Variants in ZFHX3 observed in about 807,000 individuals in gnomAD.
The protein encoded by ZFHX3 is zinc finger homeobox 3.
In ZFHX3, 42 loss-of-function variants were observed where a neutral mutation model predicts 279.1. The ratio of observed to expected loss-of-function variants is 0.15; its 90% CI spans 0.12 to 0.19. The LOEUF is 0.19. ZFHX3 is among the 10% of genes least tolerant of loss of function. The pLI, the probability that ZFHX3 is intolerant of heterozygous loss-of-function variation, is 1.00. For synonymous variants in ZFHX3, 2,293 were observed against 1,957.8 expected (o/e 1.17, Z -4.52); for missense variants, 4,981 against 4,754.0 (o/e 1.05, Z -1.40).
chr16:73,117,920 C>A (rs1400169295), intron 7 of ZFHX3, among the ~76,000 whole-genome samples: 1 of 152,218 alleles, frequency 6.6e-6, no homozygotes, highest in Admixed American at 6.5e-5. Context: ...CTGGTGCCTT[C>A]ATCTTGGACT....
chr16:72,918,785 TC>T (rs1176493946), intron 3 of ZFHX3, among the ~76,000 whole-genome samples: 3 of 150,086 alleles, frequency 2.0e-5, no homozygotes, highest in Non-Finnish European at 4.4e-5. Context: ...AAGCTCTGCC[TC>T]CCGCGTTCAC....
intron 5 of ZFHX3, among the ~76,000 whole-genome samples, chr16:73,214,298 C>A (rs1007856181): frequency 4.6e-5 from 7 of 152,204 alleles, no homozygotes; most frequent in Non-Finnish European, 7.3e-5. Flanking sequence ...ATGCAGTCCA[C>A]GTTCTCCTCA....
At chr16:73,855,210 G>A (rs7190110) in intron 1 of ZFHX3, among the ~76,000 whole-genome samples, 12 of 141,350 alleles carry the variant, frequency 8.5e-5, no homozygotes, top group Non-Finnish European at 1.5e-4. Context: ...TTAATAAGGC[G>A]TTAGCCTTTT....
chr16:73,702,369 G>C (rs145891661), intron 1 of ZFHX3, among the ~76,000 whole-genome samples: 2 of 152,206 alleles, frequency 1.3e-5, no homozygotes, highest in African/African-American at 4.8e-5. Flanking sequence ...TGGGACACAC[G>C]GCAGACAATC....
At chr16:72,939,500 G>A (rs1960303423) in intron 3 of ZFHX3, among the ~76,000 whole-genome samples, 1 of 152,208 alleles carries the variant, frequency 6.6e-6, no homozygotes, top group African/African-American at 2.4e-5. Context: ...GCATCTGCAG[G>A]ACCACTGCAG....
chr16:73,025,630 C>T (rs938529913), intron 1 of ZFHX3, among the ~76,000 whole-genome samples: 1 of 152,126 alleles, frequency 6.6e-6, no homozygotes, highest in Non-Finnish European at 1.5e-5. Flanking sequence ...CTCCCCCAGG[C>T]ACCCCTGGGC....
intron 2 of ZFHX3, among the ~76,000 whole-genome samples, chr16:73,594,125 T>C (rs117206484): frequency 0.044 from 6,741 of 152,146 alleles, 205 homozygotes; most frequent in South Asian, 0.096. Flanking sequence ...AGTAATATGA[T>C]AAAGGAAATC....
intron 8 of ZFHX3, among the ~76,000 whole-genome samples, chr16:73,066,087 G>A (rs1386578167): frequency 6.6e-6 from 1 of 152,214 alleles, no homozygotes; most frequent in Non-Finnish European, 1.5e-5. Context: ...GGGTGGCCTA[G>A]GGCCCAGCCT....
chr16:73,731,889 C>T (rs565479317), intron 1 of ZFHX3, among the ~76,000 whole-genome samples: 8 of 152,254 alleles, frequency 5.3e-5, no homozygotes, highest in African/African-American at 1.9e-4. Context: ...GGAAAGAGCT[C>T]AGCATATTCT....
At chr16:73,689,685 A>C (rs559134758) in intron 1 of ZFHX3, among the ~76,000 whole-genome samples, 1 of 152,372 alleles carries the variant, frequency 6.6e-6, no homozygotes, top group East Asian at 1.9e-4. Context: ...GTTACAAGTC[A>C]GATGGAATAA....
intron 3 of ZFHX3, among the ~76,000 whole-genome samples, chr16:72,934,586 C>G (rs948129871): frequency 1.3e-5 from 2 of 152,194 alleles, no homozygotes; most frequent in African/African-American, 4.8e-5. Context: ...CTCTTTAAAT[C>G]TTGCTCAAAC....
intron 1 of ZFHX3, among the ~76,000 whole-genome samples, chr16:73,877,601 C>A (rs1428821275): frequency 6.6e-6 from 1 of 151,884 alleles, no homozygotes; most frequent in Non-Finnish European, 1.5e-5. Flanking sequence ...TAAATAATAA[C>A]TAAATACACA....
chr16:73,572,448 G>A (rs868101693), intron 2 of ZFHX3, among the ~76,000 whole-genome samples: 5 of 152,282 alleles, frequency 3.3e-5, no homozygotes, highest in Middle Eastern at 3.4e-3. Context: ...GCTTCAGAGC[G>A]AAAACTCTTA....
chr16:72,868,928 C>G (rs2038087221), intron 4 of ZFHX3, among the ~76,000 whole-genome samples: 1 of 152,110 alleles, frequency 6.6e-6, no homozygotes, highest in African/African-American at 2.4e-5. Flanking sequence ...TAAGAATGGA[C>G]AGGAGAAAAA....
At chr16:73,833,845 G>A (rs550875525) in intron 1 of ZFHX3, among the ~76,000 whole-genome samples, 23 of 149,792 alleles carry the variant, frequency 1.5e-4, no homozygotes, top group African/African-American at 2.2e-4. Flanking sequence ...ACCATATGTC[G>A]GGTACCACAT....
At chr16:73,530,134 A>G (rs2019772546) in intron 2 of ZFHX3, among the ~76,000 whole-genome samples, 1 of 152,188 alleles carries the variant, frequency 6.6e-6, no homozygotes, top group Non-Finnish European at 1.5e-5. Context: ...AGCATGGTGG[A>G]AGGCAAAAGT....
intron 1 of ZFHX3, among the ~76,000 whole-genome samples, chr16:73,027,435 C>T (rs763133536): frequency 2.6e-5 from 4 of 152,184 alleles, no homozygotes; most frequent in African/African-American, 4.8e-5. Flanking sequence ...CGCATGCAGG[C>T]GGGGTGTTCA....
At chr16:73,350,688 G>T (rs550331607) in intron 3 of ZFHX3, among the ~76,000 whole-genome samples, 68 of 152,282 alleles carry the variant, frequency 4.5e-4, no homozygotes, top group African/African-American at 1.6e-3. Flanking sequence ...TGACCCTTCG[G>T]TCAAGTGCTG....
intron 5 of ZFHX3, among the ~76,000 whole-genome samples, chr16:73,208,338 A>G (rs1301987314): frequency 6.6e-6 from 1 of 152,222 alleles, no homozygotes; most frequent in Non-Finnish European, 1.5e-5. Context: ...GAAAAACAGA[A>G]CATAAAACCA....
Sources: gnomAD v4.1 joint callset for allele counts (sites outside exome capture counted in the v4.1 genomes callset) on GRCh38, gnomAD v4.1.1 for gene constraint, MANE v1.5 for transcripts, NCBI Gene and HGNC (gene_info 2026-07-23, HGNC 2026-07-21) for gene names.